Variants in GLG1 observed in about 807,000 individuals in gnomAD.
GLG1 encodes the protein golgi glycoprotein 1.
A neutral mutation model predicts 160.5 loss-of-function variants in GLG1; 38 were observed. That is an observed-to-expected ratio of 0.24 (90% CI 0.18 to 0.31). The LOEUF (loss-of-function observed/expected upper bound fraction) is 0.31. GLG1 is among the 10% of genes least tolerant of loss of function. The probability of loss-of-function intolerance (pLI) is 1.00; values close to 1 mark genes in which losing one functional copy is unlikely to be tolerated. For synonymous variants in GLG1, 644 were observed against 543.4 expected (o/e 1.19, Z -2.57); for missense variants, 1,373 against 1,505.2 (o/e 0.91, Z 1.45).
intron 1 of GLG1, among the ~76,000 whole-genome samples, chr16:74,595,505 C>G (rs1485773850): frequency 6.6e-6 from 1 of 152,190 alleles, no homozygotes; most frequent in African/African-American, 2.4e-5. Flanking sequence ...CCACTGCACT[C>G]CCGCCTGGGC....
chr16:74,542,784 A>G lies in GLG1; in HGVS notation c.439-10631T>C, dbSNP rs1326961665. On this transcript the variant is annotated intron_variant, in intron 1 of 25. Transcript: ENST00000422840. ...AAGGAAGGAAGGAAGGAAGGAAGGA[A>G]GGAAGGAAGGAAGGAAGGAAGGAAA... 3.5e-4 allele frequency among the ~76,000 whole-genome samples: 52 copies of G among 149,040 alleles called. 1 individual carries two copies. Among genetic ancestry groups the G allele is most frequent in the African/African-American group, 1.2e-3 (50 of 40,494 alleles).
intron 2 of GLG1, among the ~76,000 whole-genome samples, chr16:74,529,655 C>G (rs191804129): frequency 1.3e-5 from 2 of 151,956 alleles, no homozygotes; most frequent in East Asian, 3.9e-4. Flanking sequence ...TTATGAATGG[C>G]TATATTATAG....
At chr16:74,480,801 C>A (rs1325771120) in intron 10 of GLG1, among the ~76,000 whole-genome samples, 2 of 152,136 alleles carry the variant, frequency 1.3e-5, no homozygotes, top group African/African-American at 2.4e-5. Flanking sequence ...ATCAGCCTGC[C>A]TTGGCCTCTC....
intron 2 of GLG1, among the ~76,000 whole-genome samples, chr16:74,522,661 T>C (rs1334091235): frequency 6.6e-6 from 1 of 152,232 alleles, no homozygotes; most frequent in Admixed American, 6.5e-5. Flanking sequence ...GGTTTGCCAG[T>C]TCATACTCTT....
chr16:74,485,509 C>G (rs189799600), intron 9 of GLG1, among the ~76,000 whole-genome samples: 1 of 152,220 alleles, frequency 6.6e-6, no homozygotes, highest in East Asian at 1.9e-4. Flanking sequence ...TTAATTTGAT[C>G]GTGATATAAA....
At chr16:74,528,940 C>A (rs1026596713) in intron 2 of GLG1, among the ~76,000 whole-genome samples, 3 of 148,910 alleles carry the variant, frequency 2.0e-5, no homozygotes, top group African/African-American at 7.4e-5. Flanking sequence ...ATTATTTCTT[C>A]GAATACTGCT....
chr16:74,456,555 G>C, intron 25 of GLG1, 94 bp downstream of exon 25: 1 of 782,480 alleles, frequency 1.3e-6, no homozygotes, highest in Admixed American at 2.1e-5. Context: ...AGCGAGGAGA[G>C]TGGCATGGCC....
rs549103166 is a variant in GLG1, at chr16:74,460,487, C to T, written c.3037-698G>A. ...TGACAGTTTCAAAAGCAGATGAGTC[C>T]GGTGATTCCAATCAGCTCTGGACAC... On this transcript the variant is annotated intron_variant, in intron 22 of 25. Coordinates refer to ENST00000422840, the MANE Select transcript of GLG1 (RefSeq NM_001145667.2). Among the ~76,000 whole-genome samples the T allele has an allele frequency of 2.1e-4, 32 of 152,302 alleles. No homozygotes were observed. The South Asian group carries it at 2.3e-3, about 11-fold the overall frequency.
intron 2 of GLG1, among the ~76,000 whole-genome samples, chr16:74,524,105 T>C (rs1043006873): frequency 6.6e-6 from 1 of 151,962 alleles, no homozygotes; most frequent in Non-Finnish European, 1.5e-5. Context: ...AGCACTCAGG[T>C]GGCTGAGGCA....
chr16:74,578,565 T>G (rs75018384), intron 1 of GLG1, among the ~76,000 whole-genome samples: 2,024 of 152,332 alleles, frequency 0.013, 30 homozygotes, highest in African/African-American at 0.046. Context: ...TGCAGAGAAC[T>G]AAGACTGACT....
At chr16:74,597,054 G>A (rs1958322110) in intron 1 of GLG1, among the ~76,000 whole-genome samples, 1 of 152,018 alleles carries the variant, frequency 6.6e-6, no homozygotes, top group South Asian at 2.1e-4. Flanking sequence ...GGGAGGCAGA[G>A]GCTGCAGTGA....
chr16:74,506,581 C>A (rs1352045613), intron 3 of GLG1, among the ~76,000 whole-genome samples: 95 of 39,034 alleles, frequency 2.4e-3, no homozygotes, highest in African/African-American at 7.5e-3. Context: ...GACTCCGTCT[C>A]AAAAAAAAAA....
intron 7 of GLG1, among the ~76,000 whole-genome samples, chr16:74,492,522 A>T (rs868383982): frequency 0.12 from 535 of 4,572 alleles, 1 homozygote; most frequent in African/African-American, 0.42. Context: ...ATCTCTATTA[A>T]AAAAAAAAAA....
At chr16:74,467,912 G>C in intron 17 of GLG1, 64 bp from the exon 18 acceptor site, 1 of 1,084,830 alleles carries the variant, frequency 9.2e-7, no homozygotes, top group Admixed American at 2.0e-5. Context: ...ATATGTTCTG[G>C]AGACTTATTT....
intron 17 of GLG1, 195 bp from the exon 18 acceptor site, chr16:74,468,043 G>A (rs1270281271): frequency 3.9e-6 from 2 of 511,692 alleles, no homozygotes; most frequent in Non-Finnish European, 6.9e-6. Context: ...GACCTTCTTT[G>A]CAAAACACAA....
intron 1 of GLG1, among the ~76,000 whole-genome samples, chr16:74,577,062 T>C (rs534146154): frequency 6.6e-6 from 1 of 152,172 alleles, no homozygotes; most frequent in Non-Finnish European, 1.5e-5. Flanking sequence ...ACTAGCACCA[T>C]AGGTGCATGC....
rs769274874 is a variant in GLG1, at chr16:74,467,759, A to G, written c.2526T>C (p.Ala842=). 2 of 1,596,370 alleles carry G rather than the reference A, an allele frequency of 1.3e-6. No individual in the cohort carries two copies. The highest frequency in any genetic ancestry group is 1.7e-6 in the Non-Finnish European group (2 of 1,164,656). The change falls in exon 18 of 26, where the codon GCT becomes GCC. Residue 842 remains alanine, a synonymous_variant. Coordinates refer to ENST00000422840, the MANE Select transcript of GLG1 (RefSeq NM_001145667.2). ...CAAAAGAAAAGCAAAAAGTTACCTG[A>G]GCGTTGCCATATTGCACAGCGGAAC... ...NFCSAVQYGN[A]QIIECLKENK...
At chr16:74,506,581 C>CAAAAAAAAAAAAAAAAA (rs56175030) in intron 3 of GLG1, among the ~76,000 whole-genome samples, 8 of 39,054 alleles carry the variant, frequency 2.0e-4, no homozygotes, top group South Asian at 1.7e-3. Context: ...GACTCCGTCT[C>CAAAAAAAAAAAAAAAAA]AAAAAAAAAA....
chr16:74,558,698 A>T (rs7359390), intron 1 of GLG1, among the ~76,000 whole-genome samples: 83,673 of 152,004 alleles, frequency 0.55, 23,965 homozygotes, highest in East Asian at 0.8. Flanking sequence ...CCCCCAAAGG[A>T]TGCGGAAAGT....
Sources: allele counts gnomAD v4.1 joint callset (sites outside exome capture counted in the v4.1 genomes callset), GRCh38; gene constraint gnomAD v4.1.1; transcripts MANE v1.5; gene names NCBI Gene and HGNC (gene_info 2026-07-23, HGNC 2026-07-21).